Variants in TSPEAR observed in about 807,000 individuals in gnomAD.
TSPEAR encodes thrombospondin-type laminin G domain and EAR repeat-containing protein.
In TSPEAR, 69 loss-of-function variants were observed where a neutral mutation model predicts 71.6. The observed-to-expected ratio is 0.96, with a 90% CI of 0.79 to 1.18. The LOEUF is 1.18. TSPEAR is among the 50% of genes most tolerant of loss of function. TSPEAR has a pLI of 0.00. For synonymous variants in TSPEAR, 402 were observed against 387.2 expected, an observed-to-expected ratio of 1.04 and a Z score of -0.45; for missense variants, 971 against 894.9, an observed-to-expected ratio of 1.09 and a Z score of -1.09.
intron 1 of TSPEAR, among the ~76,000 whole-genome samples, chr21:44,589,746 TG>T (rs1190117442): frequency 5.9e-5 from 9 of 151,930 alleles, no homozygotes; most frequent in African/African-American, 1.9e-4. Context: ...ATGACAAACA[TG>T]GAGGAGGTCA....
rs1159920932 is a variant in TSPEAR at position 44,533,982 on chromosome 21, AG to A, written c.304-60del. 6 of 1,266,526 alleles carry A rather than the reference AG, an allele frequency of 4.7e-6. No homozygotes were observed. The East Asian group carries it at 1.3e-4, about 27-fold the overall frequency. The allele number at this position is 1,266,526 out of a possible 1,614,324, so 78.5% of individuals were successfully genotyped here. ...GGGGGTAGGGGTCGGGTGCGGGGGCAGGGCAGATGGGAATGGCAGAGGTGAT... is the reference window on the plus strand; with the variant it reads ...GGGGGTAGGGGTCGGGTGCGGGGGCAGGCAGATGGGAATGGCAGAGGTGAT... On this transcript the variant is annotated intron_variant, in intron 2 of 11. Transcript: ENST00000323084.
Position 44,687,147 on chromosome 21 carries a change from G to A in TSPEAR, c.82+24286C>T, listed in dbSNP as rs1456910491. ...CCTGGGGAACCTGGTGGCTGCCTTC[G>A]GGTGTCAGAAGGGCTTTCCCCCAGC... On this transcript the variant is annotated intron_variant, in intron 1 of 11. Coordinates refer to ENST00000323084, the MANE Select transcript of TSPEAR (RefSeq NM_144991.3). This position sits in a 1 kb window ranked among gnomAD's most constrained non-coding sequence, Gnocchi z 4.4. 6.6e-6 allele frequency among the ~76,000 whole-genome samples: 1 copy of A among 152,180 alleles called. No homozygotes were observed.
At chr21:44,700,479 A>C (rs1555951378) in intron 1 of TSPEAR, among the ~76,000 whole-genome samples, 1 of 151,702 alleles carries the variant, frequency 6.6e-6, no homozygotes, top group African/African-American at 2.4e-5. Context: ...ACTTCCCAGA[A>C]CCCCCCTTGC....
chr21:44,620,440 G>A (rs1339164543), intron 1 of TSPEAR, among the ~76,000 whole-genome samples: 2 of 152,054 alleles, frequency 1.3e-5, no homozygotes, highest in African/African-American at 4.8e-5. Context: ...ATTACATCTT[G>A]GTTATCTAAT....
chr21:44,540,311 C>T, intron 2 of TSPEAR: 1 of 1,227,104 alleles, frequency 8.1e-7, no homozygotes. Context: ...ACAGCGTCCC[C>T]TTCCTGGTTG....
chr21:44,588,754 T>TAC (rs1319497267), intron 1 of TSPEAR, among the ~76,000 whole-genome samples: 4 of 135,988 alleles, frequency 2.9e-5, no homozygotes, highest in African/African-American at 1.1e-4. Context: ...ATGTTATATA[T>TAC]ATGTATGTGT....
At chr21:44,658,172 T>A in intron 1 of TSPEAR, 1 of 1,614,088 alleles carries the variant, frequency 6.2e-7, no homozygotes, top group Non-Finnish European at 8.5e-7. Flanking sequence ...GCCCATCATA[T>A]ATGTGACTCC....
chr21:44,606,882 G>A (rs1268649235), intron 1 of TSPEAR, among the ~76,000 whole-genome samples: 1 of 152,152 alleles, frequency 6.6e-6, no homozygotes, highest in Admixed American at 6.5e-5. Context: ...GAGGAATGGG[G>A]AAGGGAGATG....
chr21:44,569,013 C>T (rs2053747197), intron 1 of TSPEAR, among the ~76,000 whole-genome samples: 1 of 152,150 alleles, frequency 6.6e-6, no homozygotes, highest in South Asian at 2.1e-4. Flanking sequence ...CAAGCAGAGG[C>T]CTTCCTCCCC....
chr21:44,697,517 G>T, intron 1 of TSPEAR: 1 of 1,613,810 alleles, frequency 6.2e-7, no homozygotes, highest in South Asian at 1.1e-5. Context: ...GGCCTGCTGC[G>T]TGCCCGTCTG....
At chr21:44,678,991 A>G (rs1555947497) in intron 1 of TSPEAR, among the ~76,000 whole-genome samples, 2 of 152,214 alleles carry the variant, frequency 1.3e-5, no homozygotes, top group African/African-American at 4.8e-5. Flanking sequence ...AGCACATACT[A>G]TAAATCCTGC....
At chr21:44,606,163 C>CAAAAAAAAAAAAAAAAAAAAAAA (rs61407657) in intron 1 of TSPEAR, among the ~76,000 whole-genome samples, 1 of 71,036 alleles carries the variant, frequency 1.4e-5, no homozygotes, top group Non-Finnish European at 3.2e-5. Context: ...GACCCTGGCT[C>CAAAAAAAAAAAAAAAAAAAAAAA]AAAAAAAAAA....
intron 1 of TSPEAR, chr21:44,676,664 G>T: frequency 1.3e-6 from 1 of 770,126 alleles, no homozygotes; most frequent in South Asian, 1.4e-5. Flanking sequence ...TCTCACAAGT[G>T]ATCAGTGTGG....
chr21:44,691,816 T>C (rs1555949755), intron 1 of TSPEAR, among the ~76,000 whole-genome samples: 1 of 152,098 alleles, frequency 6.6e-6, no homozygotes, highest in East Asian at 1.9e-4. Flanking sequence ...CTCCTCAAGT[T>C]GTGAAAGAAA....
chr21:44,706,530 C>T (rs1555952424), intron 1 of TSPEAR, among the ~76,000 whole-genome samples: 1 of 152,232 alleles, frequency 6.6e-6, no homozygotes, highest in African/African-American at 2.4e-5. Context: ...GAACGATCCT[C>T]CCTGAGTCCC....
At position 44,558,211 on chromosome 21, in the gene TSPEAR, T is replaced by C. The variant is rs587596615; in HGVS notation, c.303+9574A>G. Reference sequence around the variant, plus strand: ...CAGGAGGGGATGGGCACACAGCAGGTGGACCTGCACACGGGGCGGCAGAGG... The same window carrying C: ...CAGGAGGGGATGGGCACACAGCAGGCGGACCTGCACACGGGGCGGCAGAGG... On this transcript the variant is annotated intron_variant, in intron 2 of 11. Transcript: ENST00000323084. The C allele has an allele frequency of 3.9e-5, 61 of 1,555,842 alleles. No homozygotes were observed. Among genetic ancestry groups the C allele is most frequent in the Admixed American group, 5.3e-5 (3 of 56,474 alleles).
rs587759453 is a variant in TSPEAR, at chr21:44,513,319, C to G, written c.1567-3933G>C. ...CTCACATTCAGAAGTGAGGAGGTGC[C>G]CCCCAGGGGCTGTGCCAACCCAGGC... On this transcript the variant is annotated intron_variant, in intron 9 of 11. Coordinates refer to ENST00000323084, the MANE Select transcript of TSPEAR (RefSeq NM_144991.3). Among the ~76,000 whole-genome samples, 60 of 152,282 alleles carry G rather than the reference C, an allele frequency of 3.9e-4. 1 individual carries two copies. The highest frequency in any genetic ancestry group is 4.7e-4 in the Non-Finnish European group (32 of 68,010).
intron 1 of TSPEAR, among the ~76,000 whole-genome samples, chr21:44,636,018 C>G (rs1434311864): frequency 1.3e-5 from 2 of 151,594 alleles, no homozygotes; most frequent in Admixed American, 6.6e-5. Context: ...AATTTTTAGT[C>G]TTCTATTCAT....
chr21:44,644,276 A>T (rs587767262), intron 1 of TSPEAR, among the ~76,000 whole-genome samples: 2 of 152,332 alleles, frequency 1.3e-5, no homozygotes, highest in South Asian at 4.1e-4. Flanking sequence ...GGCTGACGTA[A>T]AAAGACTGTA....
Sources: allele counts gnomAD v4.1 joint callset (sites outside exome capture counted in the v4.1 genomes callset), GRCh38; gene constraint gnomAD v4.1.1; non-coding constraint Gnocchi (gnomAD v3.1); transcripts MANE v1.5; gene names NCBI Gene and HGNC (gene_info 2026-07-23, HGNC 2026-07-21).